Variants in KCNT2 observed in about 807,000 individuals in gnomAD.
The protein encoded by KCNT2 is potassium sodium-activated channel subfamily T member 2.
A neutral mutation model predicts 153.8 loss-of-function variants in KCNT2; 67 were observed. The ratio of observed to expected loss-of-function variants is 0.44; its 90% CI spans 0.36 to 0.53. The LOEUF (loss-of-function observed/expected upper bound fraction) is 0.53, where lower values mean the gene tolerates loss of function less well. Ranked by LOEUF, KCNT2 falls within the 20% of genes least tolerant of loss-of-function variation. KCNT2 has a pLI of 0.00. For synonymous variants in KCNT2, 500 were observed against 458.8 expected, an observed-to-expected ratio of 1.09 and a Z score of -1.15; for missense variants, 975 against 1,354.8, an observed-to-expected ratio of 0.72 and a Z score of 4.40.
intron 13 of KCNT2, among the ~76,000 whole-genome samples, chr1:196,397,884 T>A (rs1182267201): frequency 1.3e-5 from 2 of 151,476 alleles, no homozygotes; most frequent in East Asian, 3.9e-4. Context: ...CATGGGATAT[T>A]TGTGATTGTG....
intron 11 of KCNT2, among the ~76,000 whole-genome samples, chr1:196,423,979 T>C (rs1444032694): frequency 6.6e-6 from 1 of 151,942 alleles, no homozygotes; most frequent in African/African-American, 2.4e-5. Flanking sequence ...TGTATTAGTT[T>C]ATATTAAATC....
At position 196,590,665 on chromosome 1, in the gene KCNT2, G is replaced by C. The variant is rs565981140; in HGVS notation, c.95+17550C>G. On this transcript the variant is annotated intron_variant, in intron 1 of 27. Coordinates refer to ENST00000294725, the MANE Select transcript of KCNT2 (RefSeq NM_198503.5). Reference sequence around the variant, plus strand: ...CTCCATCACTCACAAAATCCTAAAGGTTGATCTACTTTAAAATTTTAAGTA... The same window carrying C: ...CTCCATCACTCACAAAATCCTAAAGCTTGATCTACTTTAAAATTTTAAGTA... Among the ~76,000 whole-genome samples the C allele has an allele frequency of 1.4e-4, 21 of 152,200 alleles. No homozygotes were observed. In the South Asian group the frequency reaches 4.1e-3, roughly 30 times the overall value.
chr1:196,244,649 T>G (rs1287601269), intron 26 of KCNT2, among the ~76,000 whole-genome samples: 1 of 152,136 alleles, frequency 6.6e-6, no homozygotes, highest in East Asian at 1.9e-4. Context: ...GGATGGACTT[T>G]GCCTGTGGTT....
intron 26 of KCNT2, among the ~76,000 whole-genome samples, chr1:196,252,858 C>T (rs117168225): frequency 0.05 from 7,587 of 150,650 alleles, 284 homozygotes; most frequent in Non-Finnish European, 0.072. Flanking sequence ...TATTTTTTTT[C>T]CTACTCTCAA....
At chr1:196,505,746 C>G (rs952100141) in intron 1 of KCNT2, among the ~76,000 whole-genome samples, 2 of 151,914 alleles carry the variant, frequency 1.3e-5, no homozygotes, top group African/African-American at 2.4e-5. Flanking sequence ...TCTTTGTATC[C>G]TCTTTTATTT....
intron 12 of KCNT2, among the ~76,000 whole-genome samples, chr1:196,413,681 A>C (rs1672522297): frequency 6.6e-6 from 1 of 151,748 alleles, no homozygotes; most frequent in South Asian, 2.1e-4. Context: ...ATTACACTTA[A>C]TAATTTTCCT....
chr1:196,243,245 T>C (rs1449873435), intron 26 of KCNT2, among the ~76,000 whole-genome samples: 2 of 152,148 alleles, frequency 1.3e-5, no homozygotes, highest in Non-Finnish European at 2.9e-5. Context: ...TTTCATTGCA[T>C]GAAAAAACAT....
At chr1:196,525,758 G>A (rs1201308481) in intron 1 of KCNT2, among the ~76,000 whole-genome samples, 1 of 152,128 alleles carries the variant, frequency 6.6e-6, no homozygotes, top group Admixed American at 6.5e-5. Flanking sequence ...CAGCCATGTT[G>A]GCCAGAATCA....
intron 1 of KCNT2, among the ~76,000 whole-genome samples, chr1:196,587,233 A>C (rs1033772874): frequency 6.6e-6 from 1 of 152,080 alleles, no homozygotes; most frequent in Non-Finnish European, 1.5e-5. Flanking sequence ...ATTATTACCT[A>C]GCACTGAGCT....
chr1:196,493,724 A>G (rs1345683072), intron 1 of KCNT2, among the ~76,000 whole-genome samples: 1 of 152,058 alleles, frequency 6.6e-6, no homozygotes, highest in Non-Finnish European at 1.5e-5. Flanking sequence ...GTGTGATGTT[A>G]CCCTCAACAG....
intron 26 of KCNT2, among the ~76,000 whole-genome samples, chr1:196,247,646 G>T (rs1173743503): frequency 6.6e-6 from 1 of 152,018 alleles, no homozygotes. Flanking sequence ...AGTCAGAAAA[G>T]CCCCTTATAA....
At chr1:196,466,458 A>T (rs1180764957) in intron 7 of KCNT2, among the ~76,000 whole-genome samples, 2 of 152,012 alleles carry the variant, frequency 1.3e-5, no homozygotes, top group African/African-American at 4.8e-5. Context: ...CGTTATCCAA[A>T]TATTCCTTTA....
intron 1 of KCNT2, among the ~76,000 whole-genome samples, chr1:196,592,762 C>T (rs1346422076): frequency 6.8e-6 from 1 of 146,028 alleles, no homozygotes; most frequent in Non-Finnish European, 1.5e-5. Context: ...ATGAATAAGA[C>T]CTAGTATTTG....
At position 196,367,999 on chromosome 1, in the gene KCNT2, A is replaced by G. The variant is rs115149589; in HGVS notation, c.1403+5141T>C. On this transcript the variant is annotated intron_variant, in intron 14 of 27. Transcript: ENST00000294725. ...TCCTGAAGGGTAAAGACTATAGGGT[A>G]AAGATGTTGGAATAAGAAAACAGAA... Among the ~76,000 whole-genome samples, 1,407 of 152,268 alleles carry G rather than the reference A, an allele frequency of 9.2e-3. 16 individuals carry two copies. The highest frequency in any genetic ancestry group is 0.027 in the African/African-American group (1,142 of 41,576).
intron 22 of KCNT2, among the ~76,000 whole-genome samples, chr1:196,289,291 T>G (rs184627416): frequency 6.6e-6 from 1 of 152,102 alleles, no homozygotes; most frequent in South Asian, 2.1e-4. Flanking sequence ...CAGTTACTCT[T>G]GAATATAACC....
At chr1:196,320,142 T>C (rs1480272171) in intron 19 of KCNT2, among the ~76,000 whole-genome samples, 1 of 151,782 alleles carries the variant, frequency 6.6e-6, no homozygotes, top group East Asian at 1.9e-4. Flanking sequence ...TGATATACTC[T>C]CTATATATTA....
chr1:196,352,301 TC>T (rs1259241859), intron 14 of KCNT2, among the ~76,000 whole-genome samples: 7 of 152,248 alleles, frequency 4.6e-5, no homozygotes, highest in African/African-American at 1.7e-4. Context: ...TCCTTGTACC[TC>T]TGGTAGAATT....
intron 26 of KCNT2, among the ~76,000 whole-genome samples, chr1:196,238,879 A>T (rs1029822572): frequency 5.3e-5 from 8 of 151,940 alleles, no homozygotes; most frequent in Middle Eastern, 3.2e-3. Flanking sequence ...AGCCTATTGC[A>T]GTCACACATC....
intron 1 of KCNT2, among the ~76,000 whole-genome samples, chr1:196,591,962 A>G (rs1339811871): frequency 6.6e-6 from 1 of 152,190 alleles, no homozygotes; most frequent in Non-Finnish European, 1.5e-5. Flanking sequence ...TGTAAGTACT[A>G]GAATTTCTTT....
Sources: gnomAD v4.1 joint callset for allele counts (sites outside exome capture counted in the v4.1 genomes callset) on GRCh38, gnomAD v4.1.1 for gene constraint, MANE v1.5 for transcripts, NCBI Gene and HGNC (gene_info 2026-07-23, HGNC 2026-07-21) for gene names.